Variants in ZNF831 observed in about 807,000 individuals in gnomAD.
ZNF831 encodes the protein zinc finger protein 831.
ZNF831 carries 59 observed loss-of-function variants against 95.8 expected under a neutral mutation model. That is an observed-to-expected ratio of 0.62 (90% CI 0.50 to 0.77). ZNF831 has a LOEUF of 0.77. ZNF831 is among the 30% of genes least tolerant of loss of function. The probability of loss-of-function intolerance (pLI) is 0.00; values close to 1 mark genes in which losing one functional copy is unlikely to be tolerated. For synonymous variants in ZNF831, 961 were observed against 925.5 expected (o/e 1.04, Z -0.70); for missense variants, 2,205 against 2,164.0 (o/e 1.02, Z -0.38).
intron 1 of ZNF831, among the ~76,000 whole-genome samples, chr20:59,124,089 C>T (rs189316773): frequency 6.6e-6 from 1 of 152,156 alleles, no homozygotes; most frequent in Non-Finnish European, 1.5e-5. Context: ...TGGACTCCTA[C>T]GCAAAATAAT....
chr20:59,178,560 C>T (rs1349828073), intron 1 of ZNF831, among the ~76,000 whole-genome samples: 3 of 152,158 alleles, frequency 2.0e-5, no homozygotes, highest in Non-Finnish European at 1.5e-5. Context: ...GGATACTATG[C>T]AGTCATTCAG....
At chr20:59,187,706 A>G (rs1192197589) in intron 1 of ZNF831, among the ~76,000 whole-genome samples, 1 of 152,238 alleles carries the variant, frequency 6.6e-6, no homozygotes, top group Non-Finnish European at 1.5e-5. Context: ...TATGGCACTT[A>G]GTACATTCAT....
intron 3 of ZNF831, among the ~76,000 whole-genome samples, chr20:59,204,915 C>T (rs887583078): frequency 3.3e-5 from 5 of 152,124 alleles, no homozygotes; most frequent in African/African-American, 1.2e-4. Flanking sequence ...GAGAAACGTA[C>T]CCTGCCCATG....
At chr20:59,183,175 G>A (rs1159722475) in intron 1 of ZNF831, among the ~76,000 whole-genome samples, 2 of 152,222 alleles carry the variant, frequency 1.3e-5, no homozygotes, top group Non-Finnish European at 2.9e-5. Flanking sequence ...GGGAACCGTG[G>A]TTGGACCTAG....
At chr20:59,232,998 A>T (rs1305938407) in intron 4 of ZNF831, among the ~76,000 whole-genome samples, 2 of 66,162 alleles carry the variant, frequency 3.0e-5, no homozygotes, top group African/African-American at 9.1e-5. Flanking sequence ...CCTGAGGCAC[A>T]CACACACACA....
At chr20:59,238,189 T>C (rs1291511516) in intron 4 of ZNF831, among the ~76,000 whole-genome samples, 1 of 152,164 alleles carries the variant, frequency 6.6e-6, no homozygotes, top group Non-Finnish European at 1.5e-5. Context: ...TCTGATTTTT[T>C]CTTCTTAATC....
intron 4 of ZNF831, among the ~76,000 whole-genome samples, chr20:59,246,818 C>T (rs1263906113): frequency 1.3e-5 from 2 of 152,148 alleles, no homozygotes; most frequent in East Asian, 3.8e-4. Flanking sequence ...CAGAAATACC[C>T]GAGGCTGTAC....
intron 1 of ZNF831, among the ~76,000 whole-genome samples, chr20:59,172,934 C>T (rs1179977863): frequency 6.6e-6 from 1 of 152,196 alleles, no homozygotes; most frequent in Non-Finnish European, 1.5e-5. Context: ...TAGTGAGCAC[C>T]TGTCTCCTTG....
chr20:59,230,310 A>G (rs1413910904), intron 4 of ZNF831, among the ~76,000 whole-genome samples: 1 of 152,122 alleles, frequency 6.6e-6, no homozygotes, highest in Non-Finnish European at 1.5e-5. Flanking sequence ...CACCTCTACT[A>G]AAAATACAAA....
intron 4 of ZNF831, among the ~76,000 whole-genome samples, chr20:59,241,201 C>A (rs1987313674): frequency 6.6e-6 from 1 of 152,210 alleles, no homozygotes; most frequent in African/African-American, 2.4e-5. Flanking sequence ...TTCCAAGTTA[C>A]ATGCGACCTT....
At chr20:59,203,893 G>A (rs1017577229) in intron 3 of ZNF831, among the ~76,000 whole-genome samples, 2 of 152,188 alleles carry the variant, frequency 1.3e-5, no homozygotes, top group Non-Finnish European at 2.9e-5. Flanking sequence ...GAGGCATAGA[G>A]ATCCGGAGCA....
At chr20:59,242,249 C>T (rs752385802) in intron 4 of ZNF831, among the ~76,000 whole-genome samples, 13 of 152,142 alleles carry the variant, frequency 8.5e-5, no homozygotes, top group Non-Finnish European at 1.5e-4. Flanking sequence ...ATCAATTTCT[C>T]CTTTTTAAGG....
chr20:59,253,589 G>T (rs561660485), intron 5 of ZNF831, among the ~76,000 whole-genome samples: 1 of 152,132 alleles, frequency 6.6e-6, no homozygotes, highest in Non-Finnish European at 1.5e-5. Flanking sequence ...CTTCATGAGC[G>T]GTAGTGACTT....
intron 2 of ZNF831, among the ~76,000 whole-genome samples, chr20:59,152,465 C>T (rs895847815): frequency 3.3e-5 from 5 of 152,084 alleles, no homozygotes; most frequent in African/African-American, 1.2e-4. Context: ...TGGAGGAGAG[C>T]CTGGGGGCCT....
intron 1 of ZNF831, among the ~76,000 whole-genome samples, chr20:59,130,614 G>A (rs1271958531): frequency 6.6e-6 from 1 of 152,224 alleles, no homozygotes; most frequent in Non-Finnish European, 1.5e-5. Flanking sequence ...ACTTTGGAAA[G>A]GCAAGGTGCT....
chr20:59,126,095 T>C, intron 1 of ZNF831, among the ~76,000 whole-genome samples: 1 of 152,188 alleles, frequency 6.6e-6, no homozygotes, highest in East Asian at 1.9e-4. Context: ...AGAAGTTACT[T>C]TTAATCATTA....
chr20:59,233,059 C>T (rs6015460), intron 4 of ZNF831, among the ~76,000 whole-genome samples: 19,099 of 133,074 alleles, frequency 0.14, 1,520 homozygotes, highest in African/African-American at 0.24. Flanking sequence ...GAGAGAGAGA[C>T]AGACAGAGAC....
chr20:59,155,809 G>C (rs1413884890), intron 2 of ZNF831, among the ~76,000 whole-genome samples: 1 of 152,172 alleles, frequency 6.6e-6, no homozygotes, highest in African/African-American at 2.4e-5. Flanking sequence ...CTGAGTGAAA[G>C]GAACAATTCT....
chr20:59,145,960 C>T (rs898788640), intron 1 of ZNF831, among the ~76,000 whole-genome samples: 8 of 151,780 alleles, frequency 5.3e-5, no homozygotes, highest in African/African-American at 1.9e-4. Flanking sequence ...TCCATTTGTA[C>T]CGGATGGTTT....
Sources: allele counts gnomAD v4.1 joint callset (sites outside exome capture counted in the v4.1 genomes callset), GRCh38; gene constraint gnomAD v4.1.1; transcripts MANE v1.5; gene names NCBI Gene and HGNC (gene_info 2026-07-23, HGNC 2026-07-21).